CACNB2: variants seen among roughly 807,000 people sequenced by gnomAD.
CACNB2 encodes the protein calcium voltage-gated channel auxiliary subunit beta 2.
In CACNB2, 42 loss-of-function variants were observed where a neutral mutation model predicts 73.3. That is an observed-to-expected ratio of 0.57 (90% CI 0.45 to 0.74). The LOEUF (loss-of-function observed/expected upper bound fraction) is 0.74. Ranked by LOEUF, CACNB2 falls within the 30% of genes least tolerant of loss-of-function variation. The probability of loss-of-function intolerance (pLI) is 0.00; values close to 1 mark genes in which losing one functional copy is unlikely to be tolerated. For synonymous variants in CACNB2, 348 were observed against 310.3 expected (o/e 1.12, Z -1.28); for missense variants, 940 against 853.0 (o/e 1.10, Z -1.27).
At chr10:18,240,078 T>C (rs1041601144) in intron 2 of CACNB2, among the ~76,000 whole-genome samples, 4 of 152,246 alleles carry the variant, frequency 2.6e-5, no homozygotes, top group Admixed American at 6.5e-5. Context: ...TGGCAACTTA[T>C]GTACTATTTT....
chr10:18,312,229 C>T (rs964542692), intron 2 of CACNB2, among the ~76,000 whole-genome samples: 4 of 152,130 alleles, frequency 2.6e-5, no homozygotes, highest in Non-Finnish European at 5.9e-5. Flanking sequence ...AATCTCAAAT[C>T]TAAACCAACT....
chr10:18,444,488 A>G (rs1213869832), intron 3 of CACNB2, among the ~76,000 whole-genome samples: 1 of 152,228 alleles, frequency 6.6e-6, no homozygotes, highest in African/African-American at 2.4e-5. Context: ...ATGATAATTC[A>G]TTTAATGCTT....
At chr10:18,506,260 A>T (rs1197196530) in intron 5 of CACNB2, among the ~76,000 whole-genome samples, 1 of 152,200 alleles carries the variant, frequency 6.6e-6, no homozygotes, top group African/African-American at 2.4e-5. Context: ...GGTCCTTTTA[A>T]AATTAAACCT....
At chr10:18,452,653 T>TC (rs1291120227) in intron 3 of CACNB2, among the ~76,000 whole-genome samples, 1 of 152,142 alleles carries the variant, frequency 6.6e-6, no homozygotes, top group Non-Finnish European at 1.5e-5. Flanking sequence ...CAAGCCATCC[T>TC]CCCACCTTGG....
At position 18,258,653 on chromosome 10, in the gene CACNB2, G is replaced by A. The variant is rs563105440; in HGVS notation, c.213+107678G>A. Among the ~76,000 whole-genome samples, 6 of 152,302 alleles carry A rather than the reference G, an allele frequency of 3.9e-5. No homozygotes were observed. The South Asian group carries it at 6.2e-4, about 16-fold the overall frequency. Reference sequence around the variant, plus strand: ...AGGAAGGAGAATCACTTGAACCCAGGAGGTGGAGGTTGCAGTGAGCTGAGA... The same window carrying A: ...AGGAAGGAGAATCACTTGAACCCAGAAGGTGGAGGTTGCAGTGAGCTGAGA... On this transcript the variant is annotated intron_variant, in intron 2 of 13. Transcript: ENST00000324631.
intron 2 of CACNB2, among the ~76,000 whole-genome samples, chr10:18,222,395 A>AACACAC (rs751588050): frequency 1.1e-5 from 1 of 94,730 alleles, no homozygotes; most frequent in Non-Finnish European, 2.5e-5. Flanking sequence ...AATGATTGAA[A>AACACAC]ACACACACAC....
intron 2 of CACNB2, among the ~76,000 whole-genome samples, chr10:18,316,335 A>G (rs985072231): frequency 4.6e-5 from 7 of 152,198 alleles, no homozygotes; most frequent in African/African-American, 1.4e-4. Flanking sequence ...GTAGCTGCCT[A>G]GTCCTAACAA....
intron 2 of CACNB2, among the ~76,000 whole-genome samples, chr10:18,210,432 GT>G (rs201584145): frequency 6.6e-6 from 1 of 151,904 alleles, no homozygotes. Flanking sequence ...GTGAAGAATG[GT>G]TTTTTTTCCC....
At chr10:18,420,854 CAAG>C (rs1432597773) in intron 3 of CACNB2, among the ~76,000 whole-genome samples, 3 of 152,194 alleles carry the variant, frequency 2.0e-5, no homozygotes, top group Admixed American at 6.5e-5. Context: ...CCAGGAAATA[CAAG>C]AAGAACTGAA....
chr10:18,156,531 G>A (rs1257635660), intron 2 of CACNB2, among the ~76,000 whole-genome samples: 1 of 152,160 alleles, frequency 6.6e-6, no homozygotes, highest in Non-Finnish European at 1.5e-5. Flanking sequence ...TACAGGAAGG[G>A]GTCTGTCCAT....
At chr10:18,296,152 A>G (rs1240062468) in intron 2 of CACNB2, among the ~76,000 whole-genome samples, 1 of 152,044 alleles carries the variant, frequency 6.6e-6, no homozygotes, top group African/African-American at 2.4e-5. Flanking sequence ...TCACTGCAAC[A>G]TCTAGATTAC....
chr10:18,432,521 A>C (rs2045938113), intron 3 of CACNB2, among the ~76,000 whole-genome samples: 1 of 152,094 alleles, frequency 6.6e-6, no homozygotes, highest in Non-Finnish European at 1.5e-5. Flanking sequence ...AAAAACAAAA[A>C]TATAAAAATA....
intron 2 of CACNB2, among the ~76,000 whole-genome samples, chr10:18,275,610 T>C (rs1387845547): frequency 1.5e-4 from 23 of 152,096 alleles, no homozygotes; most frequent in Non-Finnish European, 3.4e-4. Context: ...GAACATAAAC[T>C]AAAAGTTGAA....
chr10:18,439,961 A>T (rs904128894), intron 3 of CACNB2, among the ~76,000 whole-genome samples: 2 of 152,232 alleles, frequency 1.3e-5, no homozygotes, highest in Non-Finnish European at 2.9e-5. Flanking sequence ...GTGCTAAAAA[A>T]TAGTCTCTGT....
At chr10:18,141,711 T>A (rs533628508) in intron 1 of CACNB2, among the ~76,000 whole-genome samples, 1 of 152,324 alleles carries the variant, frequency 6.6e-6, no homozygotes, top group South Asian at 2.1e-4. Context: ...ACAGTTTGGG[T>A]TACAGACACC....
chr10:18,155,544 A>T, intron 2 of CACNB2, among the ~76,000 whole-genome samples: 1 of 152,170 alleles, frequency 6.6e-6, no homozygotes, highest in East Asian at 1.9e-4. Context: ...CCTTTCATAC[A>T]CATATGTATG....
At chr10:18,475,377 C>G (rs1331108899) in intron 3 of CACNB2, among the ~76,000 whole-genome samples, 1 of 152,112 alleles carries the variant, frequency 6.6e-6, no homozygotes, top group East Asian at 1.9e-4. Flanking sequence ...CTCTGGCACC[C>G]AGGCCCCATC....
chr10:18,232,735 A>T (rs2036268864), intron 2 of CACNB2, among the ~76,000 whole-genome samples: 1 of 152,168 alleles, frequency 6.6e-6, no homozygotes, highest in Admixed American at 6.5e-5. Flanking sequence ...ACAGTTTTTT[A>T]AAATTCTTTT....
At chr10:18,492,860 C>G (rs984915803) in intron 3 of CACNB2, among the ~76,000 whole-genome samples, 5 of 151,976 alleles carry the variant, frequency 3.3e-5, no homozygotes, top group African/African-American at 1.2e-4. Flanking sequence ...TTGTCTTGGG[C>G]TTTAATGGGG....
Sources: allele counts gnomAD v4.1 joint callset (sites outside exome capture counted in the v4.1 genomes callset), GRCh38; gene constraint gnomAD v4.1.1; transcripts MANE v1.5; gene names NCBI Gene and HGNC (gene_info 2026-07-23, HGNC 2026-07-21).